Variants in DRD2 observed in about 807,000 individuals in gnomAD.
DRD2 encodes the protein dopamine receptor D2, also known as D(2) dopamine receptor.
Under a neutral mutation model 38.0 loss-of-function variants are expected in DRD2, and 8 were observed. The observed-to-expected ratio is 0.21, with a 90% CI of 0.12 to 0.38. The LOEUF (loss-of-function observed/expected upper bound fraction) is 0.38. Ranked by LOEUF, DRD2 falls within the 10% of genes least tolerant of loss-of-function variation. The probability of loss-of-function intolerance (pLI) is 1.00; values close to 1 mark genes in which losing one functional copy is unlikely to be tolerated. For missense variants in DRD2, 403 were observed against 607.7 expected, an observed-to-expected ratio of 0.66 and a Z score of 3.54; for synonymous variants, 230 against 238.6, an observed-to-expected ratio of 0.96 and a Z score of 0.33.
chr11:113,431,288 C>T (rs1302244942), intron 1 of DRD2, among the ~76,000 whole-genome samples: 1 of 152,192 alleles, frequency 6.6e-6, no homozygotes, highest in Non-Finnish European at 1.5e-5. Context: ...CTGCCTCTCC[C>T]CTAAGGCACC....
At chr11:113,426,273 G>C (rs1010404576) in intron 1 of DRD2, among the ~76,000 whole-genome samples, 1 of 151,976 alleles carries the variant, frequency 6.6e-6, no homozygotes, top group Non-Finnish European at 1.5e-5. Flanking sequence ...GGCTGGTGTC[G>C]CATATTCACA....
intron 5 of DRD2, among the ~76,000 whole-genome samples, chr11:113,414,995 T>C (rs921775250): frequency 1.3e-5 from 2 of 151,770 alleles, no homozygotes; most frequent in Non-Finnish European, 2.9e-5. Flanking sequence ...AGGAGAGACA[T>C]AGTGGAGAGG....
At chr11:113,459,967 A>G (rs1423856626) in intron 1 of DRD2, among the ~76,000 whole-genome samples, 1 of 152,216 alleles carries the variant, frequency 6.6e-6, no homozygotes, top group Non-Finnish European at 1.5e-5. Flanking sequence ...CTTCAAAGAA[A>G]CTGGGCAGTG....
intron 1 of DRD2, among the ~76,000 whole-genome samples, chr11:113,446,379 C>T (rs931572821): frequency 1.3e-5 from 2 of 152,222 alleles, no homozygotes; most frequent in East Asian, 1.9e-4. Flanking sequence ...ACGGTAGCTC[C>T]TGTTTATTGA....
intron 1 of DRD2, among the ~76,000 whole-genome samples, chr11:113,432,033 C>T (rs371193356): frequency 1.4e-4 from 22 of 152,294 alleles, no homozygotes; most frequent in South Asian, 8.3e-4. Context: ...TTCCCAGTCA[C>T]GCCCCAAAAC....
At chr11:113,444,372 C>A (rs1951122110) in intron 1 of DRD2, among the ~76,000 whole-genome samples, 1 of 152,154 alleles carries the variant, frequency 6.6e-6, no homozygotes, top group Non-Finnish European at 1.5e-5. Flanking sequence ...AAGATATGAA[C>A]AGAACGTTTG....
Position 113,424,456 on chromosome 11 carries a change from G to T in DRD2, c.196C>A (p.Gln66Lys). Residue 66 changes from glutamine to lysine, a missense_variant, in exon 2 of 8, where the codon CAG becomes AAG. This residue lies in a region of DRD2 where 162 missense variants were observed against 254.5 expected (regional missense o/e 0.64). Transcript: ENST00000362072. The part of the protein sequence containing the change: ...CMAVSREKAL[Q>K]TTTNYLIVSL... ...ACGATCAGGTAGTTGGTGGTGGTCTGCAGCGCCTTCTCGCGGGACACAGCC... is the reference window on the plus strand; with the variant it reads ...ACGATCAGGTAGTTGGTGGTGGTCTTCAGCGCCTTCTCGCGGGACACAGCC... 6.2e-7 allele frequency: 1 copy of T among 1,614,254 alleles called. No individual in the cohort carries two copies. The highest frequency in any genetic ancestry group is 8.5e-7 in the Non-Finnish European group (1 of 1,180,054).
intron 7 of DRD2, chr11:113,411,959 T>A (rs865870905): frequency 6.5e-6 from 1 of 153,940 alleles, no homozygotes; most frequent in South Asian, 2.0e-4. Context: ...AATCCTGCTT[T>A]ATGGACAGGG....
chr11:113,435,661 A>G (rs1045826604), intron 1 of DRD2, among the ~76,000 whole-genome samples: 1 of 113,790 alleles, frequency 8.8e-6, no homozygotes, highest in East Asian at 2.5e-4. Flanking sequence ...TTCCTCCTCA[A>G]TTTGCCCCCA....
chr11:113,449,778 C>A (rs1226472840), intron 1 of DRD2, among the ~76,000 whole-genome samples: 4 of 152,078 alleles, frequency 2.6e-5, no homozygotes, highest in African/African-American at 9.7e-5. Context: ...TCAGACAAGC[C>A]GGATGGGTCT....
intron 1 of DRD2, among the ~76,000 whole-genome samples, chr11:113,464,638 C>T (rs949484392): frequency 3.9e-5 from 6 of 152,204 alleles, no homozygotes; most frequent in Non-Finnish European, 7.3e-5. Context: ...GCACTGACAT[C>T]GCCAGGGGTG....
At chr11:113,456,687 A>G (rs1482665931) in intron 1 of DRD2, among the ~76,000 whole-genome samples, 2 of 152,182 alleles carry the variant, frequency 1.3e-5, no homozygotes, top group East Asian at 3.8e-4. Flanking sequence ...TGAGGTATCT[A>G]AAGGAGTCAA....
At chr11:113,452,465 T>TGTGC (rs1951221635) in intron 1 of DRD2, among the ~76,000 whole-genome samples, 1 of 89,514 alleles carries the variant, frequency 1.1e-5, no homozygotes, top group Admixed American at 1.4e-4. Context: ...TGTGTGTGTG[T>TGTGC]GTGTGCGCGC....
In DRD2 at chr11:113,410,204, C is replaced by A; in HGVS notation, c.*523G>T. ...TTTTGGCTTGGGAATCTCTGGGGTC[C>A]AACCTGCAGTCTGGTATTTACATGG... On this transcript the variant is annotated 3_prime_UTR_variant, in exon 8 of 8. Coordinates refer to ENST00000362072, the MANE Select transcript of DRD2 (RefSeq NM_000795.4). The A allele has an allele frequency of 5.2e-6, 1 of 194,102 alleles. No individual in the cohort carries two copies. Among genetic ancestry groups the A allele is most frequent in the Non-Finnish European group, 1.1e-5 (1 of 93,066 alleles). The allele number at this position is 194,102 out of a possible 1,614,324, so 12.0% of individuals were successfully genotyped here.
chr11:113,448,874 G>A (rs1399337824), intron 1 of DRD2, among the ~76,000 whole-genome samples: 1 of 152,156 alleles, frequency 6.6e-6, no homozygotes, highest in Non-Finnish European at 1.5e-5. Context: ...GGGGTCAGCA[G>A]GGGGCCAAAT....
intron 1 of DRD2, among the ~76,000 whole-genome samples, chr11:113,461,038 T>C (rs1163455206): frequency 6.6e-6 from 1 of 152,208 alleles, no homozygotes; most frequent in Non-Finnish European, 1.5e-5. Context: ...ATGGACCGGG[T>C]CATCAGAGAC....
chr11:113,474,234 G>C (rs1166369993), intron 1 of DRD2: 1 of 152,374 alleles, frequency 6.6e-6, no homozygotes, highest in Non-Finnish European at 1.5e-5. Context: ...TCTTACCTCT[G>C]CTCTTCAAGA....
intron 1 of DRD2, among the ~76,000 whole-genome samples, chr11:113,451,600 C>T (rs1317752235): frequency 6.6e-6 from 1 of 152,164 alleles, no homozygotes; most frequent in Non-Finnish European, 1.5e-5. Context: ...AAGTGATTCT[C>T]CTGCCTCAGC....
At chr11:113,457,786 T>C (rs1419825412) in intron 1 of DRD2, among the ~76,000 whole-genome samples, 5 of 152,230 alleles carry the variant, frequency 3.3e-5, no homozygotes, top group Admixed American at 2.0e-4. Flanking sequence ...AGCTGTTAGC[T>C]TGATGCTTGT....
Sources: allele counts gnomAD v4.1 joint callset (sites outside exome capture counted in the v4.1 genomes callset), GRCh38; gene constraint gnomAD v4.1.1; regional missense constraint gnomAD v4.1.1; transcripts MANE v1.5; gene names NCBI Gene and HGNC (gene_info 2026-07-23, HGNC 2026-07-21).